IQCE: variants seen among roughly 807,000 people sequenced by gnomAD.
IQCE encodes the protein IQ motif containing E.
Under a neutral mutation model 96.0 loss-of-function variants are expected in IQCE, and 115 were observed. That is an observed-to-expected ratio of 1.20 (90% CI 1.03 to 1.40). IQCE has a LOEUF of 1.40. Among genes scored for constraint, IQCE ranks in the 40% most tolerant of loss-of-function variants. The pLI is 0.00. For missense variants in IQCE, 1,041 were observed against 909.1 expected (o/e 1.15, Z -1.87); for synonymous variants, 412 against 371.2 (o/e 1.11, Z -1.26).
chr7:2,576,620 C>T (rs930087441), intron 6 of IQCE, among the ~76,000 whole-genome samples: 1 of 152,030 alleles, frequency 6.6e-6, no homozygotes, highest in Admixed American at 6.6e-5. Context: ...AGGCTGGTCT[C>T]GAACTCCTGA....
chr7:2,576,105 C>T (rs1782103995), intron 6 of IQCE, among the ~76,000 whole-genome samples: 1 of 152,196 alleles, frequency 6.6e-6, no homozygotes, highest in African/African-American at 2.4e-5. Flanking sequence ...AACGATCTTG[C>T]CAGCTGTGGA....
At chr7:2,594,857 G>A in intron 15 of IQCE, 29 bp from the exon 16 acceptor site, 3 of 1,501,300 alleles carry the variant, frequency 2.0e-6, no homozygotes, top group South Asian at 1.1e-5. Context: ...GACAGGTGAG[G>A]TGTCTCATCT....
intron 17 of IQCE, 155 bp downstream of exon 17, chr7:2,598,787 C>T (rs565686957): frequency 4.6e-5 from 25 of 539,810 alleles, no homozygotes; most frequent in Middle Eastern, 5.2e-4. Flanking sequence ...CTCATTCACA[C>T]GCTGACACCT....
At chr7:2,600,209 C>G (rs1279576096) in intron 17 of IQCE, among the ~76,000 whole-genome samples, 1 of 152,114 alleles carries the variant, frequency 6.6e-6, no homozygotes, top group African/African-American at 2.4e-5. Context: ...TTCCTCTGTC[C>G]CCTTAATTTC....
chr7:2,604,832 C>T, intron 18 of IQCE, 49 bp from the exon 19 acceptor site: 1 of 1,422,860 alleles, frequency 7.0e-7, no homozygotes, highest in South Asian at 1.2e-5. Context: ...CCCGCCGTTG[C>T]CCCGGGCACT....
intron 20 of IQCE, 50 bp from the exon 21 acceptor site, chr7:2,607,073 GT>G: frequency 6.7e-7 from 1 of 1,492,902 alleles, no homozygotes; most frequent in Non-Finnish European, 9.0e-7. Flanking sequence ...CCTCAGAGAG[GT>G]TTGTACTCTC....
intron 1 of IQCE, chr7:2,559,564 A>T (rs1003805561): frequency 1.2e-5 from 2 of 170,160 alleles, no homozygotes; most frequent in Non-Finnish European, 1.2e-5. Context: ...GGATCCACGG[A>T]TCCCGTGTGG....
At chr7:2,576,577 T>A (rs188404288) in intron 6 of IQCE, among the ~76,000 whole-genome samples, 1 of 152,052 alleles carries the variant, frequency 6.6e-6, no homozygotes, top group Non-Finnish European at 1.5e-5. Flanking sequence ...TTTTTTGTAT[T>A]TTTTGTAGAG....
At chr7:2,579,532 A>G (rs909318813) in intron 8 of IQCE, among the ~76,000 whole-genome samples, 4 of 152,230 alleles carry the variant, frequency 2.6e-5, no homozygotes, top group East Asian at 1.9e-4. Context: ...CCTCTGAACT[A>G]TGTCACAGAT....
intron 1 of IQCE, among the ~76,000 whole-genome samples, chr7:2,563,800 A>G (rs1381631442): frequency 6.8e-6 from 1 of 146,618 alleles, no homozygotes; most frequent in East Asian, 2.0e-4. Flanking sequence ...AGGCTGAGGC[A>G]GGAGAATGGT....
chr7:2,578,206 G>A (rs1216232477), intron 6 of IQCE, 36 bp from the exon 7 acceptor site: 3 of 1,510,062 alleles, frequency 2.0e-6, no homozygotes, highest in Admixed American at 1.7e-5. Flanking sequence ...GCGCAGCTTC[G>A]TGTGGATGGC....
rs372971270 is a variant in IQCE, at chr7:2,598,634, T to A, written c.1608+2T>A. On this transcript the variant is annotated splice_donor_variant, in intron 17 of 21. Transcript: ENST00000402050. LOFTEE classifies it high-confidence loss of function. The stretch of plus-strand genomic sequence containing the variant: ...CAGTGGAAGGTGTACAAGCACAAGG[T>A]GAGGCTCCCCGGGGCGACCCGGGCT... The A allele has an allele frequency of 1.5e-4, 227 of 1,536,524 alleles. No homozygotes were observed. Among genetic ancestry groups the A allele is most frequent in the Non-Finnish European group, 1.9e-4 (218 of 1,141,124 alleles).
chr7:2,582,639 CG>C lies in IQCE; in HGVS notation c.692del (p.Gly231AlafsTer10). On this transcript the variant is annotated frameshift_variant, in exon 9 of 22. Transcript: ENST00000402050. LOFTEE classifies it high-confidence loss of function. ...TGGAACAGCAGTGCAAGGAGAAGGA[CG>C]GCACCATCAGGTGGGCGCAGGGCTG... ...KLEQQCKEKD[G>X]TISKLQTDMK... is the part of the protein sequence containing the mutation. The C allele has an allele frequency of 6.2e-7, 1 of 1,613,824 alleles. No individual in the cohort carries two copies. Among genetic ancestry groups the C allele is most frequent in the South Asian group, 1.1e-5 (1 of 91,058 alleles).
chr7:2,592,677 C>T lies in IQCE; in HGVS notation c.1245-345C>T, dbSNP rs148233415. On this transcript the variant is annotated intron_variant, in intron 14 of 21. Coordinates refer to ENST00000402050, the MANE Select transcript of IQCE (RefSeq NM_152558.5). ...GCGGGGCAGGCCCCTGCCCCATTCA[C>T]GGACCCCGCGCCTGCCTGCAGCACC... is the stretch of plus-strand genomic sequence containing the variant. 7.9e-3 allele frequency among the ~76,000 whole-genome samples: 1,203 copies of T among 152,338 alleles called. 6 individuals carry two copies. Among genetic ancestry groups the T allele is most frequent in the Non-Finnish European group, 0.012 (792 of 68,026 alleles).
At position 2,607,238 on chromosome 7, in the gene IQCE, T is replaced by G; in HGVS notation, c.1969+11T>G. On this transcript the variant is annotated intron_variant, in intron 21 of 21. Coordinates refer to ENST00000402050, the MANE Select transcript of IQCE (RefSeq NM_152558.5). Reference sequence around the variant, plus strand: ...TCGCAGCTCTTCCTGGTAATTTCATTCATTTGGATTCTGGCACCAGGGCAG... The same window carrying G: ...TCGCAGCTCTTCCTGGTAATTTCATGCATTTGGATTCTGGCACCAGGGCAG... 1 of 1,613,510 alleles carries G rather than the reference T, an allele frequency of 6.2e-7. No individual in the cohort carries two copies. The highest frequency in any genetic ancestry group is 8.5e-7 in the Non-Finnish European group (1 of 1,179,736).
intron 11 of IQCE, among the ~76,000 whole-genome samples, chr7:2,585,604 C>T (rs978487942): frequency 8.5e-5 from 13 of 152,266 alleles, no homozygotes; most frequent in African/African-American, 3.1e-4. Context: ...GTGAGAGCCA[C>T]AGCGCCAGGC....
rs781009527 is a variant in IQCE, at chr7:2,584,227, T to C, written c.775-9T>C. ...TGTGTTTTCATGCATTTCAATTTGG[T>C]ATTTACAGGTGCATCGTCTCCAGAC... On this transcript the variant is annotated splice_polypyrimidine_tract_variant and intron_variant, in intron 10 of 21. Transcript: ENST00000402050. 1 of 1,613,080 alleles carries C rather than the reference T, an allele frequency of 6.2e-7. No homozygotes were observed. The highest frequency in any genetic ancestry group is 8.5e-7 in the Non-Finnish European group (1 of 1,178,970).
At chr7:2,586,515 A>G (rs1783128858) in intron 12 of IQCE, 144 bp downstream of exon 12, 1 of 875,710 alleles carries the variant, frequency 1.1e-6, no homozygotes, top group Admixed American at 2.9e-5. Context: ...CACATGTGCC[A>G]GCACCTGCCG....
intron 18 of IQCE, among the ~76,000 whole-genome samples, chr7:2,603,573 G>A (rs1461852353): frequency 1.3e-5 from 2 of 152,162 alleles, no homozygotes; most frequent in Non-Finnish European, 2.9e-5. Flanking sequence ...GGGTTTGCCA[G>A]TGTGTGCGCA....
Sources: allele counts gnomAD v4.1 joint callset (sites outside exome capture counted in the v4.1 genomes callset), GRCh38; gene constraint gnomAD v4.1.1; transcripts MANE v1.5; gene names NCBI Gene and HGNC (gene_info 2026-07-23, HGNC 2026-07-21).